Variants in TAFA1 observed in about 807,000 individuals in gnomAD.
TAFA1 encodes the protein chemokine-like protein TAFA-1.
A neutral mutation model predicts 18.5 loss-of-function variants in TAFA1; 4 were observed. That is an observed-to-expected ratio of 0.22 (90% CI 0.11 to 0.49). The LOEUF is 0.49. Ranked by LOEUF, TAFA1 falls within the 20% of genes least tolerant of loss-of-function variation. The pLI is 0.98. For missense variants in TAFA1, 147 were observed against 169.0 expected (o/e 0.87, Z 0.72); for synonymous variants, 56 against 55.2 (o/e 1.01, Z -0.06).
intron 3 of TAFA1, among the ~76,000 whole-genome samples, chr3:68,436,986 G>T (rs1216202724): frequency 2.0e-5 from 3 of 152,028 alleles, no homozygotes; most frequent in African/African-American, 7.2e-5. Flanking sequence ...TTATAAAAGA[G>T]CAAATGTAAC....
chr3:68,148,809 T>C (rs2065772760), intron 2 of TAFA1, among the ~76,000 whole-genome samples: 1 of 152,154 alleles, frequency 6.6e-6, no homozygotes, highest in African/African-American at 2.4e-5. Context: ...GGATTTTTTA[T>C]CAAGATTAAA....
chr3:68,025,959 G>A (rs1392935564), intron 2 of TAFA1, among the ~76,000 whole-genome samples: 1 of 151,998 alleles, frequency 6.6e-6, no homozygotes, highest in Non-Finnish European at 1.5e-5. Context: ...ACGAAGGCAG[G>A]GATTGTCATC....
At chr3:68,508,738 A>C (rs1350932590) in intron 3 of TAFA1, among the ~76,000 whole-genome samples, 1 of 152,138 alleles carries the variant, frequency 6.6e-6, no homozygotes, top group East Asian at 1.9e-4. Flanking sequence ...AGGAAATTAT[A>C]GTGCATGAAA....
At chr3:68,167,401 C>T (rs71310796) in intron 2 of TAFA1, among the ~76,000 whole-genome samples, 1 of 151,882 alleles carries the variant, frequency 6.6e-6, no homozygotes, top group Non-Finnish European at 1.5e-5. Flanking sequence ...CATGGTGAAA[C>T]CCCCGTCTCT....
chr3:68,126,663 G>A (rs1448894714), intron 2 of TAFA1, among the ~76,000 whole-genome samples: 1 of 152,246 alleles, frequency 6.6e-6, no homozygotes, highest in African/African-American at 2.4e-5. Context: ...TTTCAAGAGG[G>A]AGCTTATGGA....
At chr3:68,095,891 T>C (rs1466088194) in intron 2 of TAFA1, among the ~76,000 whole-genome samples, 2 of 152,164 alleles carry the variant, frequency 1.3e-5, no homozygotes, top group Non-Finnish European at 2.9e-5. Context: ...ATAGAATGTG[T>C]CATGATCAAG....
intron 3 of TAFA1, among the ~76,000 whole-genome samples, chr3:68,506,583 G>A (rs1559698044): frequency 6.6e-6 from 1 of 152,112 alleles, no homozygotes; most frequent in South Asian, 2.1e-4. Flanking sequence ...GGGCAACGCT[G>A]TGCTCCACTG....
At chr3:68,476,636 T>A (rs1039598109) in intron 3 of TAFA1, among the ~76,000 whole-genome samples, 1 of 152,198 alleles carries the variant, frequency 6.6e-6, no homozygotes, top group African/African-American at 2.4e-5. Context: ...TATTCAATAA[T>A]TGTGGCTAAA....
chr3:68,444,959 A>C (rs956531952), intron 3 of TAFA1, among the ~76,000 whole-genome samples: 3 of 151,908 alleles, frequency 2.0e-5, no homozygotes, highest in African/African-American at 7.2e-5. Context: ...CTTACTTCAC[A>C]GGATTGTTTA....
intron 3 of TAFA1, among the ~76,000 whole-genome samples, chr3:68,449,068 A>G (rs568324863): frequency 6.6e-6 from 1 of 152,300 alleles, no homozygotes; most frequent in African/African-American, 2.4e-5. Context: ...AGGTACAAAT[A>G]CAACCTTCAA....
chr3:68,449,989 C>T (rs140751330), intron 3 of TAFA1, among the ~76,000 whole-genome samples: 581 of 152,250 alleles, frequency 3.8e-3, no homozygotes, highest in Non-Finnish European at 6.6e-3. Context: ...CCAGGCACAG[C>T]GCAGGCTGCC....
intron 2 of TAFA1, among the ~76,000 whole-genome samples, chr3:68,108,160 T>G (rs1003011983): frequency 6.6e-6 from 1 of 152,114 alleles, no homozygotes; most frequent in African/African-American, 2.4e-5. Context: ...ATGAGAGAGA[T>G]GTGTCAAATG....
intron 4 of TAFA1, among the ~76,000 whole-genome samples, chr3:68,542,775 C>T (rs1476454503): frequency 6.6e-6 from 1 of 152,070 alleles, no homozygotes; most frequent in African/African-American, 2.4e-5. Context: ...TGGTTACATT[C>T]TTTTGGTCTT....
chr3:68,319,535 G>T (rs1302088366), intron 2 of TAFA1, among the ~76,000 whole-genome samples: 4 of 152,196 alleles, frequency 2.6e-5, no homozygotes, highest in African/African-American at 9.6e-5. Context: ...ATACTGCAAA[G>T]TTGAGAAACC....
chr3:68,449,400 G>A (rs1230453668), intron 3 of TAFA1, among the ~76,000 whole-genome samples: 1 of 152,164 alleles, frequency 6.6e-6, no homozygotes, highest in African/African-American at 2.4e-5. Flanking sequence ...TAGCTGCTTT[G>A]TTAGAGAATG....
the TAFA1 span, among the ~76,000 whole-genome samples, chr3:67,991,778 G>A: frequency 1.3e-5 from 2 of 152,156 alleles, no homozygotes; most frequent in Non-Finnish European, 2.9e-5. Flanking sequence ...ACAGCCTGTC[G>A]TGGGACTTCA....
chr3:68,189,582 G>C (rs1244203768), intron 2 of TAFA1, among the ~76,000 whole-genome samples: 2 of 151,858 alleles, frequency 1.3e-5, no homozygotes, highest in East Asian at 3.9e-4. Flanking sequence ...TTCACACCCT[G>C]GGCCAATGAC....
chr3:68,509,183 T>C (rs1222337764), intron 3 of TAFA1, among the ~76,000 whole-genome samples: 1 of 152,108 alleles, frequency 6.6e-6, no homozygotes, highest in Non-Finnish European at 1.5e-5. Flanking sequence ...GGTTGTCACT[T>C]TGATTACCAA....
intron 2 of TAFA1, among the ~76,000 whole-genome samples, chr3:68,056,445 G>T (rs1278419137): frequency 6.6e-6 from 1 of 152,184 alleles, no homozygotes; most frequent in Non-Finnish European, 1.5e-5. Context: ...AACCAGATGG[G>T]TGGTCACCCA....
Sources: gnomAD v4.1 joint callset for allele counts (sites outside exome capture counted in the v4.1 genomes callset) on GRCh38, gnomAD v4.1.1 for gene constraint, MANE v1.5 for transcripts, NCBI Gene and HGNC (gene_info 2026-07-23, HGNC 2026-07-21) for gene names.